Variants in NCAM2 observed in about 807,000 individuals in gnomAD.
NCAM2 encodes the protein N-CAM-2.
A neutral mutation model predicts 98.1 loss-of-function variants in NCAM2; 30 were observed. The ratio of observed to expected loss-of-function variants is 0.31; its 90% CI spans 0.23 to 0.41. The LOEUF is 0.41. Among genes scored for constraint, NCAM2 ranks in the 10% least tolerant of loss-of-function variants. The pLI is 1.00. For missense variants in NCAM2, 867 were observed against 1,005.8 expected (o/e 0.86, Z 1.87); for synonymous variants, 368 against 342.4 (o/e 1.07, Z -0.83).
At chr21:21,371,747 G>T (rs566872853) in intron 8 of NCAM2, among the ~76,000 whole-genome samples, 1 of 151,742 alleles carries the variant, frequency 6.6e-6, no homozygotes, top group Admixed American at 6.6e-5. Flanking sequence ...GAATTGTACT[G>T]TAAAATTAGT....
chr21:21,406,418 G>C (rs960184493), intron 9 of NCAM2, among the ~76,000 whole-genome samples: 5 of 152,176 alleles, frequency 3.3e-5, no homozygotes, highest in Admixed American at 1.3e-4. Flanking sequence ...CAGAAATCAA[G>C]GGTGCGGGAA....
intron 1 of NCAM2, among the ~76,000 whole-genome samples, chr21:21,216,350 GT>G (rs1386595429): frequency 6.6e-6 from 1 of 152,196 alleles, no homozygotes; most frequent in Non-Finnish European, 1.5e-5. Context: ...GGGTACTGCT[GT>G]GTTTTCAGGG....
intron 5 of NCAM2, among the ~76,000 whole-genome samples, chr21:21,306,522 T>A (rs1235731444): frequency 6.6e-6 from 1 of 152,132 alleles, no homozygotes; most frequent in African/African-American, 2.4e-5. Flanking sequence ...TTACATGGTG[T>A]ATCTTTTTTC....
chr21:21,021,394 C>A (rs1182642092), intron 1 of NCAM2, among the ~76,000 whole-genome samples: 1 of 152,110 alleles, frequency 6.6e-6, no homozygotes, highest in Non-Finnish European at 1.5e-5. Flanking sequence ...CTTTTGCAGA[C>A]CTCATCAAGC....
At chr21:21,263,106 C>G (rs997662586) in intron 1 of NCAM2, among the ~76,000 whole-genome samples, 2 of 152,104 alleles carry the variant, frequency 1.3e-5, no homozygotes, top group African/African-American at 4.8e-5. Flanking sequence ...CTAGAAAACA[C>G]TGATGATTCC....
chr21:20,998,895 T>C (rs1490559211), intron 1 of NCAM2, among the ~76,000 whole-genome samples: 1 of 152,230 alleles, frequency 6.6e-6, no homozygotes, highest in Non-Finnish European at 1.5e-5. Context: ...TCTTTTTTTT[T>C]CCTCTGGGAT....
intron 8 of NCAM2, 96 bp downstream of exon 8, chr21:21,338,630 A>T: frequency 8.2e-7 from 1 of 1,221,594 alleles, no homozygotes. Context: ...TTTACCTAGT[A>T]ACTTGTAGGA....
intron 4 of NCAM2, among the ~76,000 whole-genome samples, chr21:21,289,099 C>A (rs2073201993): frequency 6.6e-6 from 1 of 151,874 alleles, no homozygotes; most frequent in Admixed American, 6.6e-5. Context: ...GAAATTCTCT[C>A]TTAAACTTTT....
chr21:21,341,599 T>C (rs1602041870), intron 8 of NCAM2, among the ~76,000 whole-genome samples: 1 of 152,258 alleles, frequency 6.6e-6, no homozygotes, highest in African/African-American at 2.4e-5. Flanking sequence ...ATATCATAAA[T>C]GTCGTGTAGT....
chr21:21,308,867 T>C (rs1008269682), intron 5 of NCAM2, among the ~76,000 whole-genome samples: 5 of 152,168 alleles, frequency 3.3e-5, no homozygotes, highest in African/African-American at 4.8e-5. Context: ...TGTATTAATT[T>C]TTGGATATTC....
chr21:21,236,569 T>C (rs148384452), intron 1 of NCAM2, among the ~76,000 whole-genome samples: 1 of 152,256 alleles, frequency 6.6e-6, no homozygotes, highest in African/African-American at 2.4e-5. Flanking sequence ...TTTAAAATAA[T>C]TATCCTCTGA....
chr21:21,533,682 CT>C (rs1989833779), intron 16 of NCAM2, among the ~76,000 whole-genome samples: 1 of 140,076 alleles, frequency 7.1e-6, no homozygotes, highest in South Asian at 2.2e-4. Context: ...TATTTGAAAT[CT>C]TTATTAGGAG....
intron 5 of NCAM2, among the ~76,000 whole-genome samples, chr21:21,313,631 AT>A (rs2074125979): frequency 6.6e-6 from 1 of 151,930 alleles, no homozygotes; most frequent in Non-Finnish European, 1.5e-5. Flanking sequence ...GTTAGGTTAT[AT>A]TTTATTCATT....
rs141775449 is a variant in NCAM2, at chr21:21,327,152, A to G, written c.737+2652A>G. The stretch of plus-strand genomic sequence containing the variant: ...ATTACAGGCGCAAGCAACCACCAAC[A>G]TGGTGAAATCCCATGCATGGTGGTA... On this transcript the variant is annotated intron_variant, in intron 6 of 17. Transcript: ENST00000400546. 3.2e-3 allele frequency among the ~76,000 whole-genome samples: 491 copies of G among 152,044 alleles called. 2 individuals carry two copies. The highest frequency in any genetic ancestry group is 6.8e-3 in the Middle Eastern group (2 of 292).
At chr21:21,249,930 T>C (rs142621049) in intron 1 of NCAM2, among the ~76,000 whole-genome samples, 90 of 152,312 alleles carry the variant, frequency 5.9e-4, no homozygotes, top group African/African-American at 2.1e-3. Flanking sequence ...GAGTAATGAA[T>C]GAAGCATACC....
intron 8 of NCAM2, among the ~76,000 whole-genome samples, chr21:21,348,025 T>TGAAA (rs1376608286): frequency 6.6e-6 from 1 of 152,064 alleles, no homozygotes; most frequent in Non-Finnish European, 1.5e-5. Flanking sequence ...GTGGAAAAAT[T>TGAAA]GAAAGTGTTT....
chr21:21,027,857 AG>A (rs2064584159), intron 1 of NCAM2, among the ~76,000 whole-genome samples: 1 of 149,112 alleles, frequency 6.7e-6, no homozygotes, highest in Non-Finnish European at 1.5e-5. Context: ...TTGTTTCTTA[AG>A]TTTTTTTTTT....
At chr21:21,214,530 G>A (rs1247925043) in intron 1 of NCAM2, among the ~76,000 whole-genome samples, 1 of 151,730 alleles carries the variant, frequency 6.6e-6, no homozygotes, top group African/African-American at 2.4e-5. Flanking sequence ...CTCCTAAGTG[G>A]TGTTTCTGGA....
At chr21:21,470,090 T>A (rs1485126907) in intron 14 of NCAM2, among the ~76,000 whole-genome samples, 2 of 152,032 alleles carry the variant, frequency 1.3e-5, no homozygotes, top group African/African-American at 2.4e-5. Flanking sequence ...TAAAATGCAA[T>A]GACTACTTGT....
Sources: allele counts gnomAD v4.1 joint callset (sites outside exome capture counted in the v4.1 genomes callset), GRCh38; gene constraint gnomAD v4.1.1; transcripts MANE v1.5; gene names NCBI Gene and HGNC (gene_info 2026-07-23, HGNC 2026-07-21).